Variants in AQR observed in about 807,000 individuals in gnomAD.
AQR encodes the protein aquarius intron-binding spliceosomal factor.
A neutral mutation model predicts 180.5 loss-of-function variants in AQR; 61 were observed. That is an observed-to-expected ratio of 0.34 (90% CI 0.28 to 0.42). AQR has a LOEUF of 0.42. Among genes scored for constraint, AQR ranks in the 10% least tolerant of loss-of-function variants. AQR has a pLI of 1.00. For missense variants in AQR, 1,281 were observed against 1,798.3 expected (o/e 0.71, Z 5.20); for synonymous variants, 551 against 588.8 (o/e 0.94, Z 0.93).
At chr15:34,888,174 T>C (rs1434656411) in intron 24 of AQR, among the ~76,000 whole-genome samples, 1 of 151,778 alleles carries the variant, frequency 6.6e-6, no homozygotes, top group Non-Finnish European at 1.5e-5. Context: ...GGTGGGCGCC[T>C]GTAATCCCAG....
chr15:34,870,630 C>T (rs1355645601), intron 31 of AQR, 122 bp downstream of exon 31: 3 of 780,210 alleles, frequency 3.8e-6, no homozygotes, highest in East Asian at 2.8e-5. Flanking sequence ...TTTATAGTTC[C>T]CATTATTTCA....
chr15:34,959,569 T>C (rs1475786787), intron 3 of AQR, among the ~76,000 whole-genome samples: 1 of 131,010 alleles, frequency 7.6e-6, no homozygotes, highest in Non-Finnish European at 1.7e-5. Context: ...TATCCAAAAG[T>C]GAAATAAAGA....
At chr15:34,890,477 G>T (rs1032092980) in intron 23 of AQR, among the ~76,000 whole-genome samples, 153 bp from the exon 24 acceptor site, 3 of 152,116 alleles carry the variant, frequency 2.0e-5, no homozygotes, top group African/African-American at 7.2e-5. Flanking sequence ...TTCTGATATT[G>T]CCATCTATGT....
chr15:34,962,395 A>G (rs2060810), intron 2 of AQR, among the ~76,000 whole-genome samples: 93,088 of 152,070 alleles, frequency 0.61, 30,760 homozygotes, highest in South Asian at 0.75. Context: ...GGGAGGCGAT[A>G]AGGAAAACAA....
intron 22 of AQR, among the ~76,000 whole-genome samples, chr15:34,894,302 C>T (rs967805164): frequency 1.3e-5 from 2 of 151,758 alleles, no homozygotes; most frequent in Non-Finnish European, 2.9e-5. Flanking sequence ...TTTAAAATGA[C>T]TTTGGATTTG....
intron 24 of AQR, among the ~76,000 whole-genome samples, chr15:34,888,924 T>C (rs1306143867): frequency 1.3e-5 from 2 of 152,176 alleles, no homozygotes; most frequent in Non-Finnish European, 2.9e-5. Context: ...TCCAATCAAA[T>C]ATGCAAACTA....
At chr15:34,894,982 C>G (rs1357079034) in intron 22 of AQR, among the ~76,000 whole-genome samples, 1 of 150,202 alleles carries the variant, frequency 6.7e-6, no homozygotes, top group African/African-American at 2.4e-5. Context: ...CTGGCCAACA[C>G]AGTGAAACCC....
chr15:34,881,585 C>T (rs1892974159), intron 27 of AQR, among the ~76,000 whole-genome samples: 1 of 152,198 alleles, frequency 6.6e-6, no homozygotes, highest in African/African-American at 2.4e-5. Flanking sequence ...TTACTTTCCA[C>T]TTCAAGTGAG....
chr15:34,933,051 T>C (rs777335746), intron 10 of AQR, among the ~76,000 whole-genome samples: 1 of 152,210 alleles, frequency 6.6e-6, no homozygotes, highest in Non-Finnish European at 1.5e-5. Flanking sequence ...AATCCCAATA[T>C]ATACCGTGTG....
intron 10 of AQR, 64 bp from the exon 11 acceptor site, chr15:34,932,498 T>C (rs1595801784): frequency 3.4e-6 from 4 of 1,170,402 alleles, no homozygotes; most frequent in Non-Finnish European, 4.9e-6. Flanking sequence ...AAGTGAAATC[T>C]AGTGATATTT....
chr15:34,907,242 TAC>T (rs1387234449), intron 17 of AQR, among the ~76,000 whole-genome samples: 2 of 152,224 alleles, frequency 1.3e-5, no homozygotes, highest in South Asian at 2.1e-4. Flanking sequence ...GCTGAATATA[TAC>T]AGTTTCAGTT....
rs890897710 is a variant in AQR, at chr15:34,853,553, A to G, written c.*3239T>C. The G allele has an allele frequency of 6.6e-6, 1 of 152,198 alleles. No homozygotes were observed. The highest frequency in any genetic ancestry group is 2.4e-5 in the African/African-American group (1 of 41,440). The allele number at this position is 152,198 out of a possible 1,614,324, so 9.4% of individuals were successfully genotyped here. ...TCCCAAATCAGTAACCTGATCCTAG[A>G]TAGATCCTCAAAGGTCAACTGCCAC... On this transcript the variant is annotated 3_prime_UTR_variant, in exon 35 of 35. Coordinates refer to ENST00000156471, the MANE Select transcript of AQR (RefSeq NM_014691.3).
At chr15:34,938,920 C>A in intron 8 of AQR, 107 bp from the exon 9 acceptor site, 1 of 754,510 alleles carries the variant, frequency 1.3e-6, no homozygotes, top group East Asian at 2.6e-5. Flanking sequence ...CTGTTCATTT[C>A]TTTGTGAAGC....
chr15:34,949,564 G>A (rs552567217), intron 4 of AQR, among the ~76,000 whole-genome samples: 80 of 134,302 alleles, frequency 6.0e-4, no homozygotes, highest in African/African-American at 2.0e-3. Context: ...AGCCAACATC[G>A]CGCCACTGCA....
chr15:34,931,974 T>C (rs1893870763), intron 11 of AQR, among the ~76,000 whole-genome samples: 1 of 152,220 alleles, frequency 6.6e-6, no homozygotes, highest in Non-Finnish European at 1.5e-5. Flanking sequence ...CAACTATCTG[T>C]CACCATCATC....
rs1384043362 is a variant in AQR at position 34,874,877 on chromosome 15, A to G, written c.3238-13T>C. On this transcript the variant is annotated splice_polypyrimidine_tract_variant and intron_variant, in intron 28 of 34. Coordinates refer to ENST00000156471, the MANE Select transcript of AQR (RefSeq NM_014691.3). ...CATCCTGAGGATTCTAGAAATGAAA[A>G]GTAAGGAAATGGCAAAATACTCTAT... 1.2e-5 allele frequency: 19 copies of G among 1,610,994 alleles called. No individual in the cohort carries two copies. Among genetic ancestry groups the G allele is most frequent in the Non-Finnish European group, 1.6e-5 (19 of 1,178,792 alleles).
intron 10 of AQR, 96 bp downstream of exon 10, chr15:34,934,475 G>T (rs948378946): frequency 1.7e-5 from 12 of 687,334 alleles, no homozygotes; most frequent in African/African-American, 3.9e-5. Flanking sequence ...GTATTGAAAA[G>T]AAAAGGAAAG....
In AQR at chr15:34,870,741, T is replaced by C. The variant is rs1408686728; in HGVS notation, c.3768+11A>G. The C allele has an allele frequency of 6.2e-7, 1 of 1,604,780 alleles. No homozygotes were observed. Among genetic ancestry groups the C allele is most frequent in the African/African-American group, 1.3e-5 (1 of 74,508 alleles). On this transcript the variant is annotated intron_variant, in intron 31 of 34. Coordinates refer to ENST00000156471, the MANE Select transcript of AQR (RefSeq NM_014691.3). ...GATGAATAAGAGAACATATTATAAT[T>C]ATAAAAGTACCTTGTTTGGTCTTCC...
rs1006752212 is a variant in AQR, at chr15:34,950,310, G to C, written c.210-1926C>G. On this transcript the variant is annotated intron_variant, in intron 4 of 34. Coordinates refer to ENST00000156471, the MANE Select transcript of AQR (RefSeq NM_014691.3). Reference sequence around the variant, plus strand: ...TCACCATGTTGGCCAGTATGGTCTCGATCTCTTGACCTTGTGATCCACCCG... The same window carrying C: ...TCACCATGTTGGCCAGTATGGTCTCCATCTCTTGACCTTGTGATCCACCCG... Among the ~76,000 whole-genome samples the C allele has an allele frequency of 5.9e-5, 9 of 151,798 alleles. No homozygotes were observed. The East Asian group carries it at 1.7e-3, about 29-fold the overall frequency.
Sources: gnomAD v4.1 joint callset for allele counts (sites outside exome capture counted in the v4.1 genomes callset) on GRCh38, gnomAD v4.1.1 for gene constraint, MANE v1.5 for transcripts, NCBI Gene and HGNC (gene_info 2026-07-23, HGNC 2026-07-21) for gene names.